The following RPS6KA6 variants were observed in gnomAD, a reference collection of about 807,000 sequenced individuals.
The protein encoded by RPS6KA6 is ribosomal protein S6 kinase alpha-6.
RPS6KA6 carries 27 observed loss-of-function variants against 65.4 expected under a neutral mutation model. The ratio of observed to expected loss-of-function variants is 0.41; its 90% CI spans 0.30 to 0.57. The LOEUF (loss-of-function observed/expected upper bound fraction) is 0.57. Ranked by LOEUF, RPS6KA6 falls within the 20% of genes least tolerant of loss-of-function variation. The probability of loss-of-function intolerance (pLI) is 0.24; values close to 1 mark genes in which losing one functional copy is unlikely to be tolerated. For missense variants in RPS6KA6, 486 were observed against 555.6 expected, an observed-to-expected ratio of 0.87 and a Z score of 1.26; for synonymous variants, 190 against 184.2, an observed-to-expected ratio of 1.03 and a Z score of -0.26.
rs55837425 is a variant in RPS6KA6 at position 84,107,033 on chromosome X, G to A, written c.1119C>T (p.Pro373=). ...GAGCATTTGCACTGGCTGGCAAACCGGGAGAATCTAATGTCCAAATAATTA... is the reference window on the plus strand; with the variant it reads ...GAGCATTTGCACTGGCTGGCAAACCAGGAGAATCTAATGTCCAAATAATTA... ...EFTAKTPKDS[P]GLPASANAHQ... is the part of the protein sequence containing the mutation. Residue 373 remains proline, a synonymous_variant, in exon 14 of 22, where the codon CCC becomes CCT. Coordinates refer to ENST00000262752, the MANE Select transcript of RPS6KA6 (RefSeq NM_014496.5). 2.9e-4 allele frequency: 349 copies of A among 1,190,763 alleles called. No homozygotes were observed. Among genetic ancestry groups the A allele is most frequent in the Non-Finnish European group, 3.7e-4 (330 of 884,846 alleles).
intron 10 of RPS6KA6, 79 bp downstream of exon 10, chrX:84,117,305 T>A: frequency 1.4e-6 from 1 of 733,424 alleles, no homozygotes; most frequent in Non-Finnish European, 2.0e-6. Context: ...CTTGTATTAT[T>A]TTAAAACCGC....
At chrX:84,181,270 T>C (rs895918198) in intron 1 of RPS6KA6, among the ~76,000 whole-genome samples, 3 of 111,910 alleles carry the variant, frequency 2.7e-5, no homozygotes, top group Non-Finnish European at 5.6e-5. Flanking sequence ...CACTATCTCC[T>C]TACTCAGCTA....
chrX:84,124,949 C>G (rs1290162320), intron 8 of RPS6KA6, among the ~76,000 whole-genome samples: 5 of 111,807 alleles, frequency 4.5e-5, no homozygotes, highest in African/African-American at 1.6e-4. Flanking sequence ...CCCAATACAC[C>G]TGGCAGCATA....
chrX:84,130,948 A>G (rs758130574), intron 8 of RPS6KA6, among the ~76,000 whole-genome samples: 1 of 112,201 alleles, frequency 8.9e-6, no homozygotes, highest in South Asian at 3.7e-4. Context: ...CGCATTTGTC[A>G]AAACTTACAG....
intron 20 of RPS6KA6, among the ~76,000 whole-genome samples, chrX:84,069,185 G>A (rs927066835): frequency 7.2e-5 from 8 of 111,602 alleles, no homozygotes; most frequent in Non-Finnish European, 1.1e-4. Flanking sequence ...TACAGTAACC[G>A]AAACAGCATG....
chrX:84,116,426 G>A, intron 11 of RPS6KA6, 139 bp from the exon 12 acceptor site: 1 of 335,866 alleles, frequency 3.0e-6, no homozygotes, highest in East Asian at 5.0e-5. Flanking sequence ...TTCTTATCTG[G>A]CATTTTATTA....
intron 1 of RPS6KA6, among the ~76,000 whole-genome samples, chrX:84,180,281 A>G (rs890143006): frequency 6.2e-5 from 7 of 112,273 alleles, no homozygotes; most frequent in Non-Finnish European, 1.1e-4. Flanking sequence ...TTTATGTAAT[A>G]ATTTCCCCAG....
At chrX:84,155,848 A>T (rs1207924306) in intron 3 of RPS6KA6, among the ~76,000 whole-genome samples, 1 of 112,164 alleles carries the variant, frequency 8.9e-6, no homozygotes, top group African/African-American at 3.2e-5. Context: ...TCCCTCAAGA[A>T]ATCAGTAAGC....
chrX:84,174,470 G>A, intron 1 of RPS6KA6, among the ~76,000 whole-genome samples: 1 of 111,521 alleles, frequency 9.0e-6, no homozygotes, highest in East Asian at 2.8e-4. Context: ...AATGGGACAA[G>A]AGTATACAGC....
chrX:84,181,749 C>G (rs1373618176), intron 1 of RPS6KA6, among the ~76,000 whole-genome samples: 1 of 110,199 alleles, frequency 9.1e-6, no homozygotes, highest in Non-Finnish European at 1.9e-5. Flanking sequence ...ATATAACACA[C>G]AGCCAGAGTT....
intron 20 of RPS6KA6, among the ~76,000 whole-genome samples, chrX:84,081,427 G>A (rs1243077914): frequency 2.7e-5 from 3 of 111,280 alleles, no homozygotes; most frequent in South Asian, 3.8e-4. Flanking sequence ...TGAAGAAGTC[G>A]AATGCCTGAA....
intron 6 of RPS6KA6, among the ~76,000 whole-genome samples, chrX:84,138,801 TTGTGTGTGTGTGTGTGTG>T (rs3077407): frequency 2.3e-4 from 23 of 99,204 alleles, no homozygotes; most frequent in African/African-American, 4.1e-4. Flanking sequence ...ACCTGTGTAT[TTGTGTGTGTGTGTGTGTG>T]TGTGTGTGTG....
intron 6 of RPS6KA6, among the ~76,000 whole-genome samples, chrX:84,145,125 T>C (rs550658144): frequency 7.2e-5 from 8 of 111,299 alleles, no homozygotes; most frequent in East Asian, 5.6e-4. Context: ...TGAAATTGTA[T>C]ACTTTAGTAT....
intron 18 of RPS6KA6, among the ~76,000 whole-genome samples, chrX:84,101,410 G>T (rs1380104132): frequency 1.8e-5 from 2 of 109,897 alleles, no homozygotes; most frequent in Non-Finnish European, 3.8e-5. Context: ...CCCCTTTCCT[G>T]ACTCTTCTCC....
Position 84,059,114 on chromosome X carries a change from C to CTTTTTTTTTTTTTTT in RPS6KA6, c.*5148_*5162dup, listed in dbSNP as rs200378989. On this transcript the variant is annotated 3_prime_UTR_variant, in exon 22 of 22. Transcript: ENST00000262752. ...AACTTTTTAAATGGCTGTTTCTTTT[C>CTTTTTTTTTTTTTTT]TTTTTTTTTTTTTTTTTTTTTTTTT... is the stretch of plus-strand genomic sequence containing the variant. 13 of 28,287 alleles carry CTTTTTTTTTTTTTTT rather than the reference C, an allele frequency of 4.6e-4. 2 individuals carry two copies. The highest frequency in any genetic ancestry group is 1.1e-3 in the Admixed American group (2 of 1,790). The allele number at this position is 28,287 out of a possible 1,213,427, so 2.3% of individuals were successfully genotyped here.
At chrX:84,162,775 T>C (rs138195351) in intron 2 of RPS6KA6, among the ~76,000 whole-genome samples, 1,690 of 111,942 alleles carry the variant, frequency 0.015, 7 homozygotes, top group Non-Finnish European at 0.025. Flanking sequence ...TACTCCTTTA[T>C]CTTTTATAAA....
In RPS6KA6 at chrX:84,117,552, A is replaced by G. The variant is rs184817016; in HGVS notation, c.790-98T>C. The G allele has an allele frequency of 1.2e-4, 55 of 477,882 alleles. 2 individuals are homozygous for G. In the Admixed American group the frequency reaches 2.7e-3, roughly 23 times the overall value. The allele number at this position is 477,882 out of a possible 1,213,427, so 39.4% of individuals were successfully genotyped here. On this transcript the variant is annotated intron_variant, in intron 9 of 21. Coordinates refer to ENST00000262752, the MANE Select transcript of RPS6KA6 (RefSeq NM_014496.5). ...AACTGAGACTTCTATATAATCATCA[A>G]ATTGTAAGATCTACATGATAGTAGA... is the stretch of plus-strand genomic sequence containing the variant.
chrX:84,112,967 T>C (rs2034495301), intron 12 of RPS6KA6, among the ~76,000 whole-genome samples: 1 of 111,143 alleles, frequency 9.0e-6, no homozygotes, highest in African/African-American at 3.3e-5. Context: ...CAATCAGAAA[T>C]TGAAAAGGGC....
At chrX:84,136,375 T>C (rs1266594307) in intron 6 of RPS6KA6, among the ~76,000 whole-genome samples, 1 of 111,481 alleles carries the variant, frequency 9.0e-6, no homozygotes, top group African/African-American at 3.2e-5. Flanking sequence ...ACTAGTAAAA[T>C]TGCAGAGAAT....
Sources: allele counts gnomAD v4.1 joint callset (sites outside exome capture counted in the v4.1 genomes callset), GRCh38; gene constraint gnomAD v4.1.1; transcripts MANE v1.5; gene names NCBI Gene and HGNC (gene_info 2026-07-23, HGNC 2026-07-21).